Variants in MAST2 observed in about 807,000 individuals in gnomAD.
MAST2 encodes microtubule associated serine/threonine kinase 2.
In MAST2, 70 loss-of-function variants were observed where a neutral mutation model predicts 147.4. The observed-to-expected ratio is 0.47, with a 90% CI of 0.39 to 0.58. MAST2 has a LOEUF of 0.58. Among genes scored for constraint, MAST2 ranks in the 20% least tolerant of loss-of-function variants. The pLI is 0.00. For synonymous variants in MAST2, 869 were observed against 896.8 expected (o/e 0.97, Z 0.55); for missense variants, 2,080 against 2,302.3 (o/e 0.90, Z 1.98).
chr1:45,806,778 T>C (rs1644155089), intron 1 of MAST2, among the ~76,000 whole-genome samples: 1 of 152,216 alleles, frequency 6.6e-6, no homozygotes. Context: ...GGTTTCACCA[T>C]GTTGGCCAGG....
At chr1:45,969,048 C>G (rs1643777404) in intron 5 of MAST2, among the ~76,000 whole-genome samples, 1 of 152,050 alleles carries the variant, frequency 6.6e-6, no homozygotes, top group African/African-American at 2.4e-5. Context: ...TTTGATTCTT[C>G]CTTAGAATTT....
chr1:45,888,544 A>G (rs1020640165), intron 4 of MAST2, among the ~76,000 whole-genome samples: 7 of 150,372 alleles, frequency 4.7e-5, no homozygotes, highest in Admixed American at 1.3e-4. Context: ...TTGTGTTTTT[A>G]GTAGAGACCG....
intron 3 of MAST2, among the ~76,000 whole-genome samples, chr1:45,843,926 A>G (rs904429304): frequency 1.1e-4 from 16 of 152,220 alleles, no homozygotes; most frequent in African/African-American, 3.6e-4. Context: ...AAAAGAACAC[A>G]TTAAATACTT....
At chr1:46,024,175 T>G in intron 15 of MAST2, 195 bp downstream of exon 15, 1 of 584,660 alleles carries the variant, frequency 1.7e-6, no homozygotes, top group East Asian at 3.0e-5. Context: ...GCCTCTACCA[T>G]GAGAGGCATT....
At chr1:45,999,464 A>G (rs2149170649) in intron 6 of MAST2, among the ~76,000 whole-genome samples, 1 of 152,340 alleles carries the variant, frequency 6.6e-6, no homozygotes, top group Non-Finnish European at 1.5e-5. Flanking sequence ...ACCTGTGGCT[A>G]GATCCCCATA....
chr1:46,035,806 C>T lies in MAST2; in HGVS notation c.5137C>T (p.Leu1713=). Reference sequence around the variant, plus strand: ...GACACAGCCACCTAGTGCCCCCAGACTGGCCCATCCATCTTATGAGGATCC... The same window carrying T: ...GACACAGCCACCTAGTGCCCCCAGATTGGCCCATCCATCTTATGAGGATCC... ...GKTQPPSAPR[L]AHPSYEDPSQ... The change falls in exon 29 of 29, where the codon CTG becomes TTG. Residue 1713 remains leucine (L), a synonymous_variant. Transcript: ENST00000361297. This position sits in a 1 kb window ranked among gnomAD's most constrained non-coding sequence, Gnocchi z 5.5. 1 of 1,614,152 alleles carries T rather than the reference C, an allele frequency of 6.2e-7. No homozygotes were observed. The highest frequency in any genetic ancestry group is 8.5e-7 in the Non-Finnish European group (1 of 1,180,038).
chr1:45,953,610 A>AT (rs34818988), intron 4 of MAST2, among the ~76,000 whole-genome samples: 121,205 of 152,102 alleles, frequency 0.8, 48,769 homozygotes, highest in East Asian at 0.98. Context: ...GGAGTGAGGG[A>AT]TTTTGCCATT....
chr1:45,890,782 G>A (rs1647635120), intron 4 of MAST2, among the ~76,000 whole-genome samples: 1 of 152,146 alleles, frequency 6.6e-6, no homozygotes, highest in Non-Finnish European at 1.5e-5. Context: ...ACACAAATTG[G>A]CAATCATTTG....
At chr1:46,029,407 C>A in intron 18 of MAST2, 59 bp from the exon 19 acceptor site, 1 of 1,415,400 alleles carries the variant, frequency 7.1e-7, no homozygotes. Flanking sequence ...GGACCCTCTT[C>A]TGCATCTCTC....
rs1051120550 is a variant in MAST2, at chr1:45,803,933, C to T, written c.38C>T (p.Pro13Leu). Residue 13 changes from proline to leucine, a missense_variant, in exon 1 of 29, where the codon CCG (proline) becomes CTG (leucine). By Grantham distance (98) the Pro-to-Leu change is moderately conservative. Around this residue, in one of 4 missense-constraint regions of MAST2, gnomAD observed 24 missense variants for 46.1 expected, o/e 0.52. Transcript: ENST00000361297. ...RSRCRDRPQP[P>L]PPDRREDGVQ... Reference sequence around the variant, plus strand: ...CGCTGCCGCGACCGACCGCAGCCGCCGCCGCCCGACCGCCGGGAGGATGGA... The same window carrying T: ...CGCTGCCGCGACCGACCGCAGCCGCTGCCGCCCGACCGCCGGGAGGATGGA... 3.1e-5 allele frequency: 26 copies of T among 846,890 alleles called. No individual in the cohort carries two copies. The African/African-American group carries it at 4.3e-4, about 14-fold the overall frequency. 52.5% of individuals were successfully genotyped at this position (846,890 alleles called of 1,614,324 possible).
At chr1:45,841,648 G>A (rs1021919458) in intron 3 of MAST2, among the ~76,000 whole-genome samples, 4 of 152,092 alleles carry the variant, frequency 2.6e-5, no homozygotes, top group South Asian at 2.1e-4. Flanking sequence ...AGAGTGGTTG[G>A]CTCACTGGTG....
At chr1:45,999,482 T>C (rs1479991654) in intron 6 of MAST2, among the ~76,000 whole-genome samples, 1 of 152,066 alleles carries the variant, frequency 6.6e-6, no homozygotes, top group Non-Finnish European at 1.5e-5. Flanking sequence ...ATAGGTGGCA[T>C]TGAGTTATTT....
At chr1:45,995,495 G>A (rs768724899) in intron 5 of MAST2, among the ~76,000 whole-genome samples, 4 of 152,194 alleles carry the variant, frequency 2.6e-5, no homozygotes, top group African/African-American at 7.2e-5. Flanking sequence ...ATGAGTAGAC[G>A]AGTTTATTCA....
chr1:45,809,217 T>C (rs191059517), intron 1 of MAST2, among the ~76,000 whole-genome samples: 1 of 152,362 alleles, frequency 6.6e-6, no homozygotes, highest in East Asian at 1.9e-4. Context: ...GTAATAGACA[T>C]TCAGTAAGTA....
chr1:45,867,958 C>G (rs1462558903), intron 3 of MAST2, among the ~76,000 whole-genome samples: 2 of 152,214 alleles, frequency 1.3e-5, no homozygotes, highest in Non-Finnish European at 2.9e-5. Context: ...TGGCCTCATT[C>G]TCAAGCTTGC....
chr1:45,868,378 C>G (rs1646246791), intron 3 of MAST2, among the ~76,000 whole-genome samples: 1 of 152,204 alleles, frequency 6.6e-6, no homozygotes, highest in African/African-American at 2.4e-5. Flanking sequence ...GCCATAATTT[C>G]CACATTATTT....
At chr1:45,899,103 C>T (rs934178399) in intron 4 of MAST2, among the ~76,000 whole-genome samples, 3 of 152,120 alleles carry the variant, frequency 2.0e-5, no homozygotes, top group Non-Finnish European at 2.9e-5. Flanking sequence ...CAATTCAGCC[C>T]ACCAAGCAGA....
chr1:45,974,388 T>C (rs181074626), intron 5 of MAST2, among the ~76,000 whole-genome samples: 1 of 152,234 alleles, frequency 6.6e-6, no homozygotes, highest in African/African-American at 2.4e-5. Flanking sequence ...GTCAGCCCAG[T>C]AGTTTGAGAC....
At chr1:46,013,178 G>T (rs1235885532) in intron 10 of MAST2, among the ~76,000 whole-genome samples, 1 of 152,088 alleles carries the variant, frequency 6.6e-6, no homozygotes, top group African/African-American at 2.4e-5. Flanking sequence ...CTTCACAACC[G>T]TGTAAGAAAG....
Sources: gnomAD v4.1 joint callset for allele counts (sites outside exome capture counted in the v4.1 genomes callset) on GRCh38, gnomAD v4.1.1 for gene constraint, gnomAD v4.1.1 regional missense constraint, Gnocchi (gnomAD v3.1) non-coding constraint, MANE v1.5 for transcripts, NCBI Gene and HGNC (gene_info 2026-07-23, HGNC 2026-07-21) for gene names.